The following DHRSX variants were observed in gnomAD, a reference collection of about 807,000 sequenced individuals.
DHRSX encodes polyprenol dehydrogenase.
A neutral mutation model predicts 34.0 loss-of-function variants in DHRSX; 31 were observed. The ratio of observed to expected loss-of-function variants is 0.91; its 90% CI spans 0.69 to 1.23. DHRSX has a LOEUF of 1.23. Ranked by LOEUF, DHRSX falls within the 50% of genes most tolerant of loss-of-function variation. The pLI, the probability that DHRSX is intolerant of heterozygous loss-of-function variation, is 0.00. For synonymous variants in DHRSX, 201 were observed against 183.8 expected (o/e 1.09, Z -0.76); for missense variants, 414 against 428.1 (o/e 0.97, Z 0.29).
In DHRSX at chrX:2,346,645, G is replaced by GT. The variant is rs1556483988; in HGVS notation, c.287-55043dup. On this transcript the variant is annotated intron_variant, in intron 3 of 6. Transcript: ENST00000334651. ...TTTGTAGGGATGTTGTATGAGTCTG[G>GT]TTTTTTTTTTGTTGTTGTTGTTTAA... 3.6e-3 allele frequency among the ~76,000 whole-genome samples: 384 copies of GT among 105,978 alleles called. 5 individuals carry two copies. In the East Asian group the frequency reaches 0.041, roughly 11 times the overall value. The allele number at this position is 105,978 out of a possible 152,430, so 69.5% of individuals were successfully genotyped here.
intron 3 of DHRSX, among the ~76,000 whole-genome samples, chrX:2,347,347 C>T (rs1361287975): frequency 6.6e-6 from 1 of 152,160 alleles, no homozygotes; most frequent in African/African-American, 2.4e-5. Flanking sequence ...AGACCTGCCC[C>T]CATGATTCGG....
At chrX:2,394,818 A>G (rs1449759498) in intron 3 of DHRSX, among the ~76,000 whole-genome samples, 2 of 151,438 alleles carry the variant, frequency 1.3e-5, no homozygotes, top group Non-Finnish European at 2.9e-5. Flanking sequence ...GTGAGCCGAG[A>G]TTGTGCCACT....
At chrX:2,409,000 G>T (rs1464142936) in intron 2 of DHRSX, among the ~76,000 whole-genome samples, 187 bp from the exon 3 acceptor site, 2 of 152,118 alleles carry the variant, frequency 1.3e-5, no homozygotes, top group Non-Finnish European at 2.9e-5. Context: ...ATCCATTTAA[G>T]AGTCATTTTC....
At chrX:2,387,879 T>A (rs1420344281) in intron 3 of DHRSX, among the ~76,000 whole-genome samples, 1 of 92,356 alleles carries the variant, frequency 1.1e-5, no homozygotes, top group African/African-American at 3.9e-5. Flanking sequence ...AAAAATTCCC[T>A]ACTCTGAGCC....
intron 1 of DHRSX, among the ~76,000 whole-genome samples, chrX:2,472,836 A>G (rs1047242107): frequency 6.6e-6 from 1 of 152,168 alleles, no homozygotes; most frequent in Non-Finnish European, 1.5e-5. Context: ...ATTTTTTTTA[A>G]GTCCTTTAAA....
chrX:2,440,716 C>T lies in DHRSX; in HGVS notation c.110-15412G>A, dbSNP rs751238235. On this transcript the variant is annotated intron_variant, in intron 1 of 6. Transcript: ENST00000334651. ...GATTTGCCAGGGGCTCCTGGACCTT[C>T]GACCACAGACTGAAGGCCGCACTCT... Among the ~76,000 whole-genome samples, 18 of 152,144 alleles carry T rather than the reference C, an allele frequency of 1.2e-4. No individual in the cohort carries two copies. The South Asian group carries it at 2.3e-3, about 19-fold the overall frequency.
intron 1 of DHRSX, among the ~76,000 whole-genome samples, chrX:2,478,767 T>C (rs2044721817): frequency 6.7e-6 from 1 of 148,766 alleles, no homozygotes; most frequent in Admixed American, 6.7e-5. Context: ...GGGACCACCA[T>C]TGTGTAGGCA....
At chrX:2,380,493 G>T (rs998873314) in intron 3 of DHRSX, among the ~76,000 whole-genome samples, 4 of 152,114 alleles carry the variant, frequency 2.6e-5, no homozygotes, top group African/African-American at 9.7e-5. Flanking sequence ...GTTCAGGAGA[G>T]ATGTATAGAT....
chrX:2,489,744 C>T, intron 1 of DHRSX: 1 of 1,613,262 alleles, frequency 6.2e-7, no homozygotes, highest in Non-Finnish European at 8.5e-7. Flanking sequence ...ATGGCCACGG[C>T]AGACTGCTGG....
intron 3 of DHRSX, 107 bp from the exon 4 acceptor site, chrX:2,291,710 T>G (rs772983593): frequency 0.53 from 297,484 of 562,092 alleles, 49,255 homozygotes; most frequent in Middle Eastern, 0.58. Context: ...GAAGTAACAC[T>G]TTTTTTTTTT....
chrX:2,441,740 T>C (rs1603097534), intron 1 of DHRSX, among the ~76,000 whole-genome samples: 3 of 152,246 alleles, frequency 2.0e-5, no homozygotes, highest in African/African-American at 7.2e-5. Flanking sequence ...AATCTCATTA[T>C]TGGGTACACA....
chrX:2,340,460 G>GTGTA (rs1556481487), intron 3 of DHRSX, among the ~76,000 whole-genome samples: 17 of 150,910 alleles, frequency 1.1e-4, no homozygotes, highest in African/African-American at 2.9e-4. Context: ...GTGTGTGTGT[G>GTGTA]TATATATATA....
chrX:2,314,203 A>AG (rs1803785030), intron 3 of DHRSX, among the ~76,000 whole-genome samples: 1 of 43,964 alleles, frequency 2.3e-5, no homozygotes, highest in African/African-American at 1.1e-4. Flanking sequence ...GAGGGAAGGA[A>AG]GAGAGGGAGG....
At chrX:2,403,278 A>G (rs1471196052) in intron 3 of DHRSX, among the ~76,000 whole-genome samples, 4 of 152,112 alleles carry the variant, frequency 2.6e-5, no homozygotes, top group Admixed American at 2.0e-4. Context: ...TATCTAAAGT[A>G]TATTTTTGTG....
At chrX:2,486,244 G>C (rs1205498028) in intron 1 of DHRSX, among the ~76,000 whole-genome samples, 9 of 152,116 alleles carry the variant, frequency 5.9e-5, no homozygotes, top group Non-Finnish European at 1.2e-4. Context: ...ATCATAACTT[G>C]AGGATTTACA....
chrX:2,377,887 T>C (rs2043160265), intron 3 of DHRSX, among the ~76,000 whole-genome samples: 1 of 152,058 alleles, frequency 6.6e-6, no homozygotes, highest in Admixed American at 6.6e-5. Flanking sequence ...TACAGGTGCG[T>C]GCCACCACAC....
At chrX:2,467,569 A>G (rs1450886536) in intron 1 of DHRSX, among the ~76,000 whole-genome samples, 1 of 152,166 alleles carries the variant, frequency 6.6e-6, no homozygotes, top group Admixed American at 6.5e-5. Flanking sequence ...AACCAGAACA[A>G]GAGACAGGAA....
At position 2,484,956 on chromosome X, in the gene DHRSX, A is replaced by G. The variant is rs140132206; in HGVS notation, c.109+15861T>C. On this transcript the variant is annotated intron_variant, in intron 1 of 6. Coordinates refer to ENST00000334651, the MANE Select transcript of DHRSX (RefSeq NM_145177.3). Reference sequence around the variant, plus strand: ...TCCCACCAGCTGCCTCTTTACTAAAACATCCGAAACCTTTTTCTCACTTTC... The same window carrying G: ...TCCCACCAGCTGCCTCTTTACTAAAGCATCCGAAACCTTTTTCTCACTTTC... Among the ~76,000 whole-genome samples, 1,131 of 152,102 alleles carry G rather than the reference A, an allele frequency of 7.4e-3. 13 individuals are homozygous for G. The highest frequency in any genetic ancestry group is 0.026 in the African/African-American group (1,066 of 41,498).
intron 1 of DHRSX, among the ~76,000 whole-genome samples, chrX:2,497,290 G>A (rs2045309107): frequency 6.6e-6 from 1 of 152,190 alleles, no homozygotes. Flanking sequence ...CTACTCGGGA[G>A]GCTGAGGCAG....
Sources: gnomAD v4.1 joint callset for allele counts (sites outside exome capture counted in the v4.1 genomes callset) on GRCh38, gnomAD v4.1.1 for gene constraint, MANE v1.5 for transcripts, NCBI Gene and HGNC (gene_info 2026-07-23, HGNC 2026-07-21) for gene names.